The following PRKN variants were observed in gnomAD, a reference collection of about 807,000 sequenced individuals.
PRKN encodes E3 ubiquitin-protein ligase parkin.
PRKN carries 56 observed loss-of-function variants against 59.5 expected under a neutral mutation model. The ratio of observed to expected loss-of-function variants is 0.94; its 90% CI spans 0.76 to 1.18. The LOEUF is 1.18. PRKN is among the 50% of genes most tolerant of loss of function. The probability of loss-of-function intolerance (pLI) is 0.00; values close to 1 mark genes in which losing one functional copy is unlikely to be tolerated. For synonymous variants in PRKN, 250 were observed against 222.1 expected (o/e 1.13, Z -1.12); for missense variants, 657 against 596.4 (o/e 1.10, Z -1.06).
At chr6:161,782,316 A>C (rs996592364) in intron 7 of PRKN, among the ~76,000 whole-genome samples, 2 of 152,146 alleles carry the variant, frequency 1.3e-5, no homozygotes, top group Non-Finnish European at 2.9e-5. Flanking sequence ...GTAAAGAAAA[A>C]TGTGTATAAT....
intron 2 of PRKN, among the ~76,000 whole-genome samples, chr6:162,339,574 C>T (rs1203172901): frequency 1.9e-3 from 289 of 150,426 alleles, no homozygotes; most frequent in African/African-American, 6.8e-3. Context: ...GGCGCCTCTG[C>T]CCGGCCGCCC....
intron 1 of PRKN, among the ~76,000 whole-genome samples, chr6:162,694,337 A>G (rs1777895085): frequency 6.6e-6 from 1 of 152,002 alleles, no homozygotes; most frequent in South Asian, 2.1e-4. Context: ...CTCTCATTCT[A>G]CATGGCAGAG....
At chr6:162,683,269 C>T (rs1392472009) in intron 1 of PRKN, among the ~76,000 whole-genome samples, 1 of 152,106 alleles carries the variant, frequency 6.6e-6, no homozygotes, top group Non-Finnish European at 1.5e-5. Flanking sequence ...ACTTTAGTTC[C>T]TCAGTCATAC....
At chr6:162,364,605 C>T (rs1785322046) in intron 2 of PRKN, among the ~76,000 whole-genome samples, 1 of 152,266 alleles carries the variant, frequency 6.6e-6, no homozygotes. Context: ...GCCCCACGCT[C>T]GGTGCCTTAT....
At chr6:161,874,516 T>TATATATTATATGTAAA (rs1255304986) in intron 6 of PRKN, among the ~76,000 whole-genome samples, 5 of 102,418 alleles carry the variant, frequency 4.9e-5, no homozygotes, top group African/African-American at 1.8e-4. Context: ...ATATGTAAAA[T>TATATATTATATGTAAA]ATATATTATA....
chr6:162,591,420 T>C (rs1017322597), intron 1 of PRKN, among the ~76,000 whole-genome samples: 1 of 152,162 alleles, frequency 6.6e-6, no homozygotes, highest in Admixed American at 6.6e-5. Context: ...GCCCATGTGA[T>C]ATGTTGTTAC....
chr6:161,503,796 C>G lies in PRKN; in HGVS notation c.1083+45058G>C, dbSNP rs1382792116. 6.6e-6 allele frequency among the ~76,000 whole-genome samples: 1 copy of G among 152,206 alleles called. No homozygotes were observed. The highest frequency in any genetic ancestry group is 1.5e-5 in the Non-Finnish European group (1 of 68,032). On this transcript the variant is annotated intron_variant, in intron 9 of 11. Coordinates refer to ENST00000366898, the MANE Select transcript of PRKN (RefSeq NM_004562.3). This position sits in a 1 kb window ranked among gnomAD's most constrained non-coding sequence, Gnocchi z 5.1. ...TGACACAAAGTCAGATGTGAGCATT[C>G]TTTTAGAATCCACTGTGAGGAAAAG...
chr6:162,548,806 A>G (rs977978858), intron 1 of PRKN, among the ~76,000 whole-genome samples: 2 of 152,200 alleles, frequency 1.3e-5, no homozygotes, highest in African/African-American at 4.8e-5. Context: ...TGTGGCAATC[A>G]TCTCAAGTTA....
At chr6:162,410,204 CTT>C (rs11336621) in intron 2 of PRKN, among the ~76,000 whole-genome samples, 3 of 149,458 alleles carry the variant, frequency 2.0e-5, no homozygotes, top group African/African-American at 7.4e-5. Flanking sequence ...AGAATAAAAT[CTT>C]TTTTTTTTTC....
chr6:162,139,536 G>A (rs1781690597), intron 4 of PRKN, among the ~76,000 whole-genome samples: 1 of 152,106 alleles, frequency 6.6e-6, no homozygotes, highest in South Asian at 2.1e-4. Context: ...CAGCATGGCA[G>A]TATGATGGAA....
At chr6:161,935,711 A>C (rs1476900633) in intron 6 of PRKN, among the ~76,000 whole-genome samples, 1 of 152,228 alleles carries the variant, frequency 6.6e-6, no homozygotes, top group African/African-American at 2.4e-5. Flanking sequence ...TGAAAATTTT[A>C]TAACGACAAT....
intron 6 of PRKN, among the ~76,000 whole-genome samples, chr6:161,946,410 A>ACTCT (rs1554253042): frequency 1.0e-3 from 95 of 95,276 alleles, no homozygotes; most frequent in African/African-American, 3.2e-3. Context: ...ACACACACAC[A>ACTCT]CACACTCTCT....
chr6:161,571,829 C>G (rs1309036221), intron 7 of PRKN, among the ~76,000 whole-genome samples: 1 of 152,114 alleles, frequency 6.6e-6, no homozygotes, highest in Non-Finnish European at 1.5e-5. Flanking sequence ...AGGCATCGTC[C>G]CATCCACTGA....
rs2128240209 is a variant in PRKN at position 161,927,860 on chromosome 6, G to A, written c.734+45442C>T. On this transcript the variant is annotated intron_variant, in intron 6 of 11. Transcript: ENST00000366898. ...TTTAGAGTGAAGAACTTTAGATAAAGTTACTGAAGAAGCATAAAAAATATT... is the reference window on the plus strand; with the variant it reads ...TTTAGAGTGAAGAACTTTAGATAAAATTACTGAAGAAGCATAAAAAATATT... 1.3e-5 allele frequency among the ~76,000 whole-genome samples: 2 copies of A among 152,128 alleles called. 1 individual carries two copies. Among genetic ancestry groups the A allele is most frequent in the South Asian group, 4.2e-4 (2 of 4,816 alleles).
chr6:162,103,042 C>CAAAAA (rs1163020488), intron 4 of PRKN, among the ~76,000 whole-genome samples: 1 of 54,358 alleles, frequency 1.8e-5, no homozygotes, highest in African/African-American at 6.3e-5. Context: ...GACTCTGTCT[C>CAAAAA]AAAAAAAAAA....
At chr6:161,993,226 G>A (rs1781718316) in intron 5 of PRKN, among the ~76,000 whole-genome samples, 1 of 151,970 alleles carries the variant, frequency 6.6e-6, no homozygotes, top group African/African-American at 2.4e-5. Flanking sequence ...CAAGAAAAAA[G>A]ATAGAAGACT....
At chr6:162,441,488 C>T (rs1211165799) in intron 2 of PRKN, among the ~76,000 whole-genome samples, 1 of 152,130 alleles carries the variant, frequency 6.6e-6, no homozygotes, top group African/African-American at 2.4e-5. Flanking sequence ...GTGTTTTCTC[C>T]ACCTTTAAAA....
chr6:161,862,416 T>A (rs1793939382), intron 6 of PRKN, among the ~76,000 whole-genome samples: 1 of 152,196 alleles, frequency 6.6e-6, no homozygotes, highest in African/African-American at 2.4e-5. Flanking sequence ...TCCTTCCTAC[T>A]GCAACTTTAT....
chr6:161,855,817 A>G (rs947778292), intron 6 of PRKN, among the ~76,000 whole-genome samples: 1 of 152,264 alleles, frequency 6.6e-6, no homozygotes, highest in Non-Finnish European at 1.5e-5. Context: ...GGCCAATTTT[A>G]CATAAGGCTA....
Sources: gnomAD v4.1 joint callset for allele counts (sites outside exome capture counted in the v4.1 genomes callset) on GRCh38, gnomAD v4.1.1 for gene constraint, Gnocchi (gnomAD v3.1) non-coding constraint, MANE v1.5 for transcripts, NCBI Gene and HGNC (gene_info 2026-07-23, HGNC 2026-07-21) for gene names.